The following MYH11 variants were observed in gnomAD, a reference collection of about 807,000 sequenced individuals.
The protein encoded by MYH11 is myosin-11.
In MYH11, 80 loss-of-function variants were observed where a neutral mutation model predicts 246.6. That is an observed-to-expected ratio of 0.32 (90% confidence interval 0.27 to 0.39). The LOEUF is 0.39. MYH11 is among the 10% of genes least tolerant of loss of function. The pLI, the probability that MYH11 is intolerant of heterozygous loss-of-function variation, is 1.00. For missense variants in MYH11, 2,158 were observed against 2,546.8 expected, an observed-to-expected ratio of 0.85 and a Z score of 3.29; for synonymous variants, 1,071 against 1,015.5, an observed-to-expected ratio of 1.05 and a Z score of -1.04.
At chr16:15,736,687 T>C (rs916518072) in intron 25 of MYH11, among the ~76,000 whole-genome samples, 18 of 151,976 alleles carry the variant, frequency 1.2e-4, no homozygotes, top group African/African-American at 4.1e-4. Context: ...GGCCAGGGGA[T>C]CAATCAGAAA....
At position 15,750,924 on chromosome 16, in the gene MYH11, C is replaced by T. The variant is rs77466193; in HGVS notation, c.1865-593G>A. 0.065 allele frequency among the ~76,000 whole-genome samples: 9,839 copies of T among 151,824 alleles called. 354 individuals are homozygous for T. The highest frequency in any genetic ancestry group is 0.17 in the East Asian group (894 of 5,150). On this transcript the variant is annotated intron_variant, in intron 15 of 40. Coordinates refer to ENST00000300036, the MANE Select transcript of MYH11 (RefSeq NM_002474.3). The surrounding 1 kb of genome is among the most constrained non-coding windows in gnomAD (Gnocchi z 4.3). ...GTAGAAAAATAAAAATAGGGTAAAG[C>T]GGAGAGAGAGTGAAGAGGGTGCTCT...
intron 24 of MYH11, 100 bp from the exon 25 acceptor site, chr16:15,737,720 A>G (rs373635887): frequency 1.6e-6 from 2 of 1,270,222 alleles, no homozygotes; most frequent in Admixed American, 3.6e-5. Flanking sequence ...AGATGAACAC[A>G]TCCCCCAATC....
chr16:15,837,809 A>G, intron 2 of MYH11, 99 bp downstream of exon 2: 1 of 1,119,544 alleles, frequency 8.9e-7, no homozygotes. Flanking sequence ...TGCTGGGAGT[A>G]CAGGCATGAG....
intron 1 of MYH11, among the ~76,000 whole-genome samples, chr16:15,853,486 GT>G (rs1405857448): frequency 6.6e-6 from 1 of 152,074 alleles, no homozygotes; most frequent in Non-Finnish European, 1.5e-5. Flanking sequence ...TGATGAGGTT[GT>G]TCCTCCTTAG....
At chr16:15,728,933 C>T (rs974291210) in intron 27 of MYH11, among the ~76,000 whole-genome samples, 4 of 151,818 alleles carry the variant, frequency 2.6e-5, no homozygotes, top group African/African-American at 9.7e-5. Context: ...AAGTAGGACG[C>T]GGTGAGGGGC....
At chr16:15,785,617 C>T (rs1567759986) in intron 5 of MYH11, 1 of 151,922 alleles carries the variant, frequency 6.6e-6, no homozygotes, top group Admixed American at 6.6e-5. Context: ...TCTGGAATGG[C>T]GAACACTGGA....
At chr16:15,771,238 G>C (rs535296422) in intron 9 of MYH11, among the ~76,000 whole-genome samples, 1 of 151,940 alleles carries the variant, frequency 6.6e-6, no homozygotes, top group East Asian at 1.9e-4. Flanking sequence ...GACCTAAAGT[G>C]ATCCGCCCAC....
At chr16:15,855,207 G>C (rs1486625774) in intron 1 of MYH11, among the ~76,000 whole-genome samples, 1 of 152,192 alleles carries the variant, frequency 6.6e-6, no homozygotes, top group Non-Finnish European at 1.5e-5. Flanking sequence ...TCTCGGAAAA[G>C]ACCCAGCTAG....
intron 3 of MYH11, among the ~76,000 whole-genome samples, chr16:15,808,447 G>A (rs2043063459): frequency 6.6e-6 from 1 of 152,208 alleles, no homozygotes; most frequent in Admixed American, 6.5e-5. Flanking sequence ...CATTCTGTAA[G>A]TGAGGGCCCT....
At chr16:15,795,409 C>T (rs1009863291) in intron 4 of MYH11, among the ~76,000 whole-genome samples, 1 of 152,002 alleles carries the variant, frequency 6.6e-6, no homozygotes, top group Non-Finnish European at 1.5e-5. Context: ...GTCAGGAGTT[C>T]GAGACCAGCC....
chr16:15,756,374 C>G lies in MYH11; in HGVS notation c.1716G>C (p.Lys572Asn). The G allele has an allele frequency of 6.2e-7, 1 of 1,614,172 alleles. No homozygotes were observed. The highest frequency in any genetic ancestry group is 8.5e-7 in the Non-Finnish European group (1 of 1,180,046). ...KFQKPKQLKD[K>N]TEFSIIHYAG... ...CATAATGGATGATGGAGAACTCAGT[C>G]TTGTCCTTGAGCTGCTTGGGCTTCT... is the stretch of plus-strand genomic sequence containing the variant. Residue 572 changes from lysine to asparagine, a missense_variant, in exon 14 of 41, where the codon AAG becomes AAC. Lys to Asn is a moderately conservative substitution (Grantham distance 94). Transcript: ENST00000300036.
intron 35 of MYH11, 62 bp downstream of exon 35, chr16:15,719,523 C>T: frequency 6.2e-7 from 1 of 1,610,368 alleles, no homozygotes. Context: ...CAGACTGGAG[C>T]TGCCAAGGGG....
chr16:15,709,500 A>G (rs1368501794), intron 40 of MYH11, among the ~76,000 whole-genome samples: 1 of 152,096 alleles, frequency 6.6e-6, no homozygotes, highest in Non-Finnish European at 1.5e-5. Flanking sequence ...TTTTTAGTAG[A>G]GACGGAGTTT....
intron 4 of MYH11, among the ~76,000 whole-genome samples, chr16:15,793,052 G>A (rs1448317843): frequency 3.3e-5 from 5 of 151,898 alleles, no homozygotes; most frequent in African/African-American, 4.8e-5. Flanking sequence ...CATTTTAGAC[G>A]AAAGTTTAAA....
At chr16:15,846,475 C>T (rs975944809) in intron 1 of MYH11, among the ~76,000 whole-genome samples, 8 of 152,122 alleles carry the variant, frequency 5.3e-5, no homozygotes, top group African/African-American at 9.7e-5. Flanking sequence ...AAGGACAGAA[C>T]GTGAGGGGGG....
chr16:15,736,368 T>C (rs1213045174), intron 25 of MYH11, among the ~76,000 whole-genome samples: 1 of 152,184 alleles, frequency 6.6e-6, no homozygotes, highest in African/African-American at 2.4e-5. Flanking sequence ...AGCCTCAACC[T>C]CCTGGGCTCA....
chr16:15,792,314 G>A (rs575413220), intron 4 of MYH11: 1 of 152,162 alleles, frequency 6.6e-6, no homozygotes, highest in Non-Finnish European at 1.5e-5. Context: ...GCCCCCTAAA[G>A]TGTTGGGATT....
chr16:15,721,741 A>G, intron 31 of MYH11, 107 bp from the exon 32 acceptor site: 1 of 1,156,146 alleles, frequency 8.6e-7, no homozygotes, highest in South Asian at 1.2e-5. Flanking sequence ...ATTGAGGTGC[A>G]GGTGTAAGCA....
At chr16:15,724,060 G>A (rs1318594894) in intron 31 of MYH11, 101 bp downstream of exon 31, 2 of 1,581,598 alleles carry the variant, frequency 1.3e-6, no homozygotes, top group East Asian at 2.2e-5. Flanking sequence ...AGAGTGGAGA[G>A]GGGATGCAGG....
Sources: gnomAD v4.1 joint callset for allele counts (sites outside exome capture counted in the v4.1 genomes callset) on GRCh38, gnomAD v4.1.1 for gene constraint, Gnocchi (gnomAD v3.1) non-coding constraint, MANE v1.5 for transcripts, NCBI Gene and HGNC (gene_info 2026-07-23, HGNC 2026-07-21) for gene names.